The following AP2A2 variants were observed in gnomAD, a reference collection of about 807,000 sequenced individuals.
AP2A2 encodes adaptor related protein complex 2 subunit alpha 2, also known as AP-2 complex subunit alpha-2.
AP2A2 carries 32 observed loss-of-function variants against 104.2 expected under a neutral mutation model. That is an observed-to-expected ratio of 0.31 (90% confidence interval 0.23 to 0.41). The LOEUF (loss-of-function observed/expected upper bound fraction) is 0.41. Among genes scored for constraint, AP2A2 ranks in the 10% least tolerant of loss-of-function variants. The pLI is 1.00. For synonymous variants in AP2A2, 539 were observed against 533.3 expected (o/e 1.01, Z -0.15); for missense variants, 912 against 1,261.0 (o/e 0.72, Z 4.19).
chr11:954,568 GTA>G (rs1854171418), intron 1 of AP2A2, among the ~76,000 whole-genome samples: 1 of 152,092 alleles, frequency 6.6e-6, no homozygotes, highest in South Asian at 2.1e-4. Context: ...GTAAATGTGT[GTA>G]TATGTATATT....
chr11:933,135 G>A (rs1853341492), intron 1 of AP2A2, among the ~76,000 whole-genome samples: 1 of 152,176 alleles, frequency 6.6e-6, no homozygotes, highest in Non-Finnish European at 1.5e-5. Flanking sequence ...AGGTGTGGTG[G>A]CACGTGTCTG....
chr11:995,840 A>C (rs11246373), intron 14 of AP2A2, among the ~76,000 whole-genome samples: 25,789 of 116,112 alleles, frequency 0.22, 2,451 homozygotes, highest in Middle Eastern at 0.25. Context: ...TGTGCCCGCC[A>C]TCTGGAGGCT....
At chr11:949,798 G>A (rs1334000647) in intron 1 of AP2A2, among the ~76,000 whole-genome samples, 2 of 151,088 alleles carry the variant, frequency 1.3e-5, no homozygotes, top group Non-Finnish European at 2.9e-5. Context: ...AAAAAAACAG[G>A]TTTATACACC....
intron 10 of AP2A2, chr11:988,912 C>G (rs1253114457): frequency 1.7e-6 from 1 of 591,578 alleles, no homozygotes; most frequent in Admixed American, 3.0e-5. Context: ...GGAGGATCAC[C>G]TGAGGCCAGG....
intron 1 of AP2A2, among the ~76,000 whole-genome samples, chr11:935,343 C>T (rs10794345): frequency 0.46 from 70,381 of 151,910 alleles, 17,555 homozygotes; most frequent in Middle Eastern, 0.64. Context: ...AGGTGTGAGC[C>T]ACCGCGCCCA....
intron 1 of AP2A2, among the ~76,000 whole-genome samples, chr11:936,954 C>T (rs1040884378): frequency 6.6e-6 from 1 of 152,096 alleles, no homozygotes; most frequent in Non-Finnish European, 1.5e-5. Flanking sequence ...GCGGCAGGGG[C>T]TCTTCTCTCC....
At chr11:949,400 A>G (rs1853960082) in intron 1 of AP2A2, among the ~76,000 whole-genome samples, 1 of 152,232 alleles carries the variant, frequency 6.6e-6, no homozygotes. Context: ...CAAGAAAGGA[A>G]AATTACAGGC....
intron 15 of AP2A2, among the ~76,000 whole-genome samples, chr11:1,002,826 G>A (rs913629147): frequency 5.3e-5 from 8 of 152,264 alleles, no homozygotes; most frequent in Non-Finnish European, 1.0e-4. Context: ...AGGTGGAGGT[G>A]GAGATTTCAG....
intron 3 of AP2A2, among the ~76,000 whole-genome samples, chr11:971,748 C>T (rs1193847669): frequency 2.6e-5 from 4 of 152,206 alleles, no homozygotes; most frequent in African/African-American, 9.7e-5. Flanking sequence ...AACACTCAGA[C>T]GCGTGGCCCA....
intron 17 of AP2A2, 27 bp from the exon 18 acceptor site, chr11:1,007,985 C>A (rs747956371): frequency 1.3e-6 from 2 of 1,552,284 alleles, no homozygotes; most frequent in Non-Finnish European, 8.7e-7. Flanking sequence ...CTGGGACTTG[C>A]TCAGCTGGAT....
intron 21 of AP2A2, chr11:1,010,260 G>A (rs958298379): frequency 7.5e-6 from 4 of 535,716 alleles, no homozygotes; most frequent in South Asian, 2.8e-5. Context: ...TGCTGCTGTC[G>A]CCCAGGGCCT....
rs545834218 is a variant in AP2A2 at position 968,878 on chromosome 11, G to T, written c.137-1291G>T. On this transcript the variant is annotated intron_variant, in intron 2 of 21. Coordinates refer to ENST00000448903, the MANE Select transcript of AP2A2 (RefSeq NM_012305.4). The surrounding 1 kb of genome is among the most constrained non-coding windows in gnomAD (Gnocchi z 4.2). ...TAATTTGCCGCTGACAAGGAGGGGG[G>T]TTTCTCATGAGCTCCTCAGAGTGCA... Among the ~76,000 whole-genome samples the T allele has an allele frequency of 1.1e-4, 17 of 152,320 alleles. No individual in the cohort carries two copies. The East Asian group carries it at 3.1e-3, about 28-fold the overall frequency.
intron 1 of AP2A2, among the ~76,000 whole-genome samples, chr11:930,459 C>T (rs961057491): frequency 3.9e-5 from 6 of 152,066 alleles, no homozygotes; most frequent in Admixed American, 1.3e-4. Context: ...AGTTAATAAA[C>T]TGTTTCTTTT....
chr11:953,431 C>T (rs934983607), intron 1 of AP2A2, among the ~76,000 whole-genome samples: 1 of 152,110 alleles, frequency 6.6e-6, no homozygotes, highest in Non-Finnish European at 1.5e-5. Flanking sequence ...TCCCAAAGTG[C>T]TGGGATTATA....
rs1038926055 is a variant in AP2A2 at position 968,371 on chromosome 11, C to T, written c.137-1798C>T. Among the ~76,000 whole-genome samples the T allele has an allele frequency of 1.1e-4, 17 of 152,038 alleles. No homozygotes were observed. The highest frequency in any genetic ancestry group is 8.3e-4 in the South Asian group (4 of 4,816). ...TAGAGCAGCTCTTCGTCTGGGGTCC[C>T]GCGGGAGCAGAGGCTGGTCGGCTCC... is the stretch of plus-strand genomic sequence containing the variant. On this transcript the variant is annotated intron_variant, in intron 2 of 21. Transcript: ENST00000448903. The surrounding 1 kb of genome is among the most constrained non-coding windows in gnomAD (Gnocchi z 4.2).
intron 8 of AP2A2, 81 bp from the exon 9 acceptor site, chr11:986,704 C>A: frequency 6.7e-7 from 1 of 1,500,328 alleles, no homozygotes. Context: ...GCCATCTGGA[C>A]CCGTCGGGGA....
At chr11:982,517 T>C (rs570016658) in intron 6 of AP2A2, among the ~76,000 whole-genome samples, 1 of 152,324 alleles carries the variant, frequency 6.6e-6, no homozygotes, top group Non-Finnish European at 1.5e-5. Context: ...TTAAGTATGA[T>C]GTCTGCTTTA....
chr11:942,809 A>G (rs1031005724), intron 1 of AP2A2, among the ~76,000 whole-genome samples: 8 of 151,936 alleles, frequency 5.3e-5, no homozygotes, highest in African/African-American at 1.9e-4. Flanking sequence ...TTGCTGAAAG[A>G]CCTCTCTGCG....
At chr11:970,121 C>G in intron 2 of AP2A2, 48 bp from the exon 3 acceptor site, 1 of 1,603,032 alleles carries the variant, frequency 6.2e-7, no homozygotes, top group Non-Finnish European at 8.5e-7. Flanking sequence ...CCCCTCTCCC[C>G]TGCCTCTGCC....
Sources: allele counts gnomAD v4.1 joint callset (sites outside exome capture counted in the v4.1 genomes callset), GRCh38; gene constraint gnomAD v4.1.1; non-coding constraint Gnocchi (gnomAD v3.1); transcripts MANE v1.5; gene names NCBI Gene and HGNC (gene_info 2026-07-23, HGNC 2026-07-21).